GRID1: variants seen among roughly 807,000 people sequenced by gnomAD.
The protein encoded by GRID1 is glutamate ionotropic receptor delta type subunit 1.
In GRID1, 28 loss-of-function variants were observed where a neutral mutation model predicts 98.0. The observed-to-expected ratio is 0.29, with a 90% CI of 0.21 to 0.39. The LOEUF (loss-of-function observed/expected upper bound fraction) is 0.39. Among genes scored for constraint, GRID1 ranks in the 10% least tolerant of loss-of-function variants. The pLI is 1.00. For synonymous variants in GRID1, 553 were observed against 538.5 expected (o/e 1.03, Z -0.37); for missense variants, 1,111 against 1,340.5 (o/e 0.83, Z 2.67).
At chr10:85,708,222 G>A (rs1340103189) in intron 12 of GRID1, among the ~76,000 whole-genome samples, 1 of 151,626 alleles carries the variant, frequency 6.6e-6, no homozygotes, top group Non-Finnish European at 1.5e-5. Context: ...GGCTAACACA[G>A]TGAAACCCCA....
rs571672956 is a variant in GRID1, at chr10:85,697,135, T to A, written c.1997+25868A>T. Among the ~76,000 whole-genome samples the A allele has an allele frequency of 6.0e-4, 91 of 152,290 alleles. 1 individual carries two copies. Among genetic ancestry groups the A allele is most frequent in the African/African-American group, 2.0e-3 (84 of 41,576 alleles). ...TAGCGTTCCATAAATGTCAATTATGTCAAGTTAGCTGAGGGTATTGTACAG... is the reference window on the plus strand; with the variant it reads ...TAGCGTTCCATAAATGTCAATTATGACAAGTTAGCTGAGGGTATTGTACAG... On this transcript the variant is annotated intron_variant, in intron 12 of 15. Coordinates refer to ENST00000327946, the MANE Select transcript of GRID1 (RefSeq NM_017551.3).
At chr10:86,196,535 A>T (rs1345677849) in intron 3 of GRID1, among the ~76,000 whole-genome samples, 1 of 152,112 alleles carries the variant, frequency 6.6e-6, no homozygotes, top group Non-Finnish European at 1.5e-5. Context: ...GAAGCACGTT[A>T]GAAAAAGATA....
chr10:86,299,609 G>C (rs112660618), intron 2 of GRID1, among the ~76,000 whole-genome samples: 2 of 151,742 alleles, frequency 1.3e-5, no homozygotes, highest in Non-Finnish European at 2.9e-5. Flanking sequence ...GGAGGGAATT[G>C]AACAATGACA....
intron 5 of GRID1, among the ~76,000 whole-genome samples, chr10:85,908,199 A>G (rs1841488785): frequency 6.6e-6 from 1 of 152,230 alleles, no homozygotes; most frequent in Admixed American, 6.5e-5. Context: ...CAGAAAAAAG[A>G]AATACAAGGT....
At chr10:86,059,826 A>G (rs1011488365) in intron 4 of GRID1, among the ~76,000 whole-genome samples, 1 of 152,248 alleles carries the variant, frequency 6.6e-6, no homozygotes, top group Admixed American at 6.5e-5. Context: ...TCACTTTAAA[A>G]AGCAATATCA....
chr10:86,145,264 C>A (rs1845070690), intron 3 of GRID1, among the ~76,000 whole-genome samples: 1 of 152,062 alleles, frequency 6.6e-6, no homozygotes, highest in South Asian at 2.1e-4. Flanking sequence ...CTCTTGTTGC[C>A]CAGGCTGGAA....
intron 2 of GRID1, among the ~76,000 whole-genome samples, chr10:86,252,334 A>G (rs1846849440): frequency 6.6e-6 from 1 of 151,856 alleles, no homozygotes; most frequent in South Asian, 2.1e-4. Context: ...GTCCAACATC[A>G]CCTTCGTTGT....
At chr10:86,104,523 GC>G (rs1414335666) in intron 4 of GRID1, among the ~76,000 whole-genome samples, 3 of 152,184 alleles carry the variant, frequency 2.0e-5, no homozygotes, top group Non-Finnish European at 4.4e-5. Context: ...GCTTCACAAG[GC>G]CCCCAGCCCT....
chr10:85,931,191 C>G (rs887613494), intron 4 of GRID1, among the ~76,000 whole-genome samples: 2 of 151,904 alleles, frequency 1.3e-5, no homozygotes, highest in African/African-American at 4.8e-5. Context: ...ACCTACTCTC[C>G]CTCCTCCCCT....
chr10:85,703,104 G>A (rs1354815961), intron 12 of GRID1, among the ~76,000 whole-genome samples: 12 of 151,976 alleles, frequency 7.9e-5, no homozygotes, highest in Admixed American at 7.2e-4. Context: ...TGACACACAG[G>A]AAGAAGGCAA....
chr10:86,324,808 A>G (rs781385343), intron 2 of GRID1, among the ~76,000 whole-genome samples: 1 of 152,184 alleles, frequency 6.6e-6, no homozygotes, highest in Non-Finnish European at 1.5e-5. Flanking sequence ...TCATCATGAC[A>G]TAACTTTTTT....
intron 2 of GRID1, among the ~76,000 whole-genome samples, chr10:86,257,185 T>C (rs960857865): frequency 6.6e-6 from 1 of 152,232 alleles, no homozygotes; most frequent in African/African-American, 2.4e-5. Context: ...AATGAGGTAT[T>C]CACACAGTCC....
At chr10:86,167,183 A>G (rs953315927) in intron 3 of GRID1, among the ~76,000 whole-genome samples, 16 of 152,224 alleles carry the variant, frequency 1.1e-4, no homozygotes, top group Admixed American at 5.2e-4. Context: ...TGGGGGACCA[A>G]GGAGCTTCCA....
chr10:86,155,688 C>T (rs1421313522), intron 3 of GRID1, among the ~76,000 whole-genome samples: 2 of 152,200 alleles, frequency 1.3e-5, no homozygotes, highest in Non-Finnish European at 2.9e-5. Flanking sequence ...CACTCCCCTG[C>T]CTTTTTCACT....
chr10:85,989,694 A>G (rs919162524), intron 4 of GRID1, among the ~76,000 whole-genome samples: 2 of 152,210 alleles, frequency 1.3e-5, no homozygotes, highest in Non-Finnish European at 2.9e-5. Context: ...TGGTCCGTGG[A>G]AACATTGTCT....
chr10:86,120,204 T>C (rs1160249847), intron 4 of GRID1, among the ~76,000 whole-genome samples: 1 of 152,216 alleles, frequency 6.6e-6, no homozygotes, highest in African/African-American at 2.4e-5. Flanking sequence ...TGTTGCCATA[T>C]TAAAATACCA....
intron 8 of GRID1, among the ~76,000 whole-genome samples, chr10:85,796,192 C>G (rs1196957726): frequency 1.3e-5 from 2 of 152,124 alleles, no homozygotes; most frequent in African/African-American, 4.8e-5. Flanking sequence ...AAAACTAATG[C>G]ACAAACCAGA....
intron 8 of GRID1, among the ~76,000 whole-genome samples, chr10:85,762,225 T>A (rs915549735): frequency 2.0e-5 from 3 of 152,216 alleles, no homozygotes; most frequent in African/African-American, 7.2e-5. Context: ...GAAATGCATA[T>A]GCATGATAAT....
intron 8 of GRID1, among the ~76,000 whole-genome samples, chr10:85,741,269 G>A (rs1841940452): frequency 6.6e-6 from 1 of 152,108 alleles, no homozygotes; most frequent in African/African-American, 2.4e-5. Flanking sequence ...TACTTAGAGT[G>A]GTTGAAAGTT....
Sources: allele counts gnomAD v4.1 joint callset (sites outside exome capture counted in the v4.1 genomes callset), GRCh38; gene constraint gnomAD v4.1.1; transcripts MANE v1.5; gene names NCBI Gene and HGNC (gene_info 2026-07-23, HGNC 2026-07-21).